VPS53: variants seen among roughly 807,000 people sequenced by gnomAD.
VPS53 encodes vacuolar protein sorting-associated protein 53 homolog.
VPS53 carries 70 observed loss-of-function variants against 107.0 expected under a neutral mutation model. The ratio of observed to expected loss-of-function variants is 0.65; its 90% CI spans 0.54 to 0.80. The LOEUF is 0.80. Ranked by LOEUF, VPS53 falls within the 30% of genes least tolerant of loss-of-function variation. The probability of loss-of-function intolerance (pLI) is 0.00; values close to 1 mark genes in which losing one functional copy is unlikely to be tolerated. For synonymous variants in VPS53, 409 were observed against 393.3 expected (o/e 1.04, Z -0.47); for missense variants, 917 against 1,049.4 (o/e 0.87, Z 1.74).
In VPS53 at chr17:520,507, G is replaced by T. The variant is rs1234356073; in HGVS notation, c.2224-577C>A. The stretch of plus-strand genomic sequence containing the variant: ...GGAGACTTAAAATCTGTAACTTCAT[G>T]TAACGACTAACTTAAACTATCAATT... On this transcript the variant is annotated intron_variant, in intron 20 of 21. Coordinates refer to ENST00000437048, the MANE Select transcript of VPS53 (RefSeq NM_001128159.3). The surrounding 1 kb of genome is among the most constrained non-coding windows in gnomAD (Gnocchi z 4.4). Among the ~76,000 whole-genome samples, 1 of 152,196 alleles carries T rather than the reference G, an allele frequency of 6.6e-6. No homozygotes were observed. The highest frequency in any genetic ancestry group is 2.4e-5 in the African/African-American group (1 of 41,452).
intron 11 of VPS53, among the ~76,000 whole-genome samples, chr17:611,608 C>A (rs1411500487): frequency 1.3e-5 from 2 of 152,252 alleles, no homozygotes; most frequent in Non-Finnish European, 2.9e-5. Flanking sequence ...ATAGGAAACA[C>A]GCTGACACGA....
intron 13 of VPS53, among the ~76,000 whole-genome samples, chr17:585,004 C>T (rs1967236440): frequency 6.6e-6 from 1 of 152,160 alleles, no homozygotes; most frequent in South Asian, 2.1e-4. Context: ...GCAAATGCCA[C>T]AGAAACAACG....
intron 3 of VPS53, 31 bp from the exon 4 acceptor site, chr17:697,515 C>T: frequency 6.4e-7 from 1 of 1,551,092 alleles, no homozygotes; most frequent in Non-Finnish European, 8.9e-7. Flanking sequence ...TACAGTCATT[C>T]AAATAATCTT....
At chr17:664,423 C>A (rs1234471491) in intron 4 of VPS53, among the ~76,000 whole-genome samples, 1 of 152,062 alleles carries the variant, frequency 6.6e-6, no homozygotes, top group Non-Finnish European at 1.5e-5. Context: ...ATGTGAAGAT[C>A]CTGACAGAGA....
chr17:653,071 G>A (rs1450396899), intron 7 of VPS53, among the ~76,000 whole-genome samples: 2 of 152,158 alleles, frequency 1.3e-5, no homozygotes, highest in South Asian at 2.1e-4. Context: ...CCGGATCTGC[G>A]GAATCCCCAT....
intron 17 of VPS53, among the ~76,000 whole-genome samples, chr17:545,974 CCAAA>C (rs1911152970): frequency 2.6e-5 from 4 of 152,208 alleles, no homozygotes; most frequent in Admixed American, 2.6e-4. Flanking sequence ...GCTATTATAG[CCAAA>C]CAGTGTGGTA....
intron 17 of VPS53, among the ~76,000 whole-genome samples, chr17:542,558 T>C (rs1396258583): frequency 6.6e-6 from 1 of 152,236 alleles, no homozygotes; most frequent in Non-Finnish European, 1.5e-5. Flanking sequence ...TTAGCTACTG[T>C]TATAATTTTA....
intron 4 of VPS53, among the ~76,000 whole-genome samples, chr17:677,334 A>G (rs980100297): frequency 2.6e-5 from 4 of 152,220 alleles, no homozygotes; most frequent in African/African-American, 9.6e-5. Context: ...CAGAAGTGAA[A>G]TACACCAGAT....
intron 4 of VPS53, among the ~76,000 whole-genome samples, chr17:693,679 A>C (rs542852041): frequency 3.0e-4 from 45 of 152,354 alleles, no homozygotes; most frequent in African/African-American, 1.0e-3. Flanking sequence ...GGTTACCGTG[A>C]AAAATGATTG....
Position 560,540 on chromosome 17 carries a change from G to A in VPS53, c.1590C>T (p.Ser530=). ...AGCCCTCCTTTTCCTTGAGGAGGCT[G>A]CTGATAGTCAGTCCTCCACTGCTGG... ...TTTSSGGLTI[S]SLLKEKEGSE... is the part of the protein sequence containing the mutation. Residue 530 remains serine (S), a synonymous_variant, in exon 15 of 22, where the codon AGC becomes AGT. Coordinates refer to ENST00000437048, the MANE Select transcript of VPS53 (RefSeq NM_001128159.3). The A allele has an allele frequency of 6.2e-7, 1 of 1,614,110 alleles. No individual in the cohort carries two copies. The highest frequency in any genetic ancestry group is 1.1e-5 in the South Asian group (1 of 91,066).
intron 4 of VPS53, among the ~76,000 whole-genome samples, chr17:671,260 AAAGGG>A (rs1971931827): frequency 6.6e-6 from 1 of 151,742 alleles, no homozygotes; most frequent in African/African-American, 2.4e-5. Context: ...AGGAAAAGGA[AAAGGG>A]AAGGGAAGGG....
intron 12 of VPS53, among the ~76,000 whole-genome samples, chr17:588,964 A>C (rs938496416): frequency 3.5e-5 from 4 of 113,464 alleles, no homozygotes; most frequent in Non-Finnish European, 7.2e-5. Flanking sequence ...GAAAAATGTG[A>C]TTTAATTTGT....
chr17:630,860 AAAC>A (rs768776545), intron 8 of VPS53, among the ~76,000 whole-genome samples: 3 of 152,100 alleles, frequency 2.0e-5, no homozygotes, highest in Admixed American at 6.6e-5. Flanking sequence ...GAAATAGCTC[AAAC>A]AATAGAGAAA....
At chr17:556,798 G>C (rs1912404730) in intron 15 of VPS53, among the ~76,000 whole-genome samples, 1 of 135,838 alleles carries the variant, frequency 7.4e-6, no homozygotes, top group Non-Finnish European at 1.6e-5. Context: ...AGATAATAAG[G>C]AAGTAAGCCA....
In VPS53 at chr17:710,422, C is replaced by T. The variant is rs551943945; in HGVS notation, c.168+111G>A. The T allele has an allele frequency of 1.1e-3, 861 of 785,036 alleles. 8 individuals carry two copies. In the South Asian group the frequency reaches 0.013, roughly 12 times the overall value. 48.6% of individuals were successfully genotyped at this position (785,036 alleles called of 1,614,324 possible). A position where few individuals can be genotyped will look rare whatever the true frequency, so the allele number is the denominator to read the frequency against. On this transcript the variant is annotated intron_variant, in intron 2 of 21. Transcript: ENST00000437048. Reference sequence around the variant, plus strand: ...ATGATGGAGTTTGATTTGAATTTAACTCTCCCTTGTGTATCAAGGGCCCGT... The same window carrying T: ...ATGATGGAGTTTGATTTGAATTTAATTCTCCCTTGTGTATCAAGGGCCCGT...
intron 13 of VPS53, among the ~76,000 whole-genome samples, chr17:569,626 A>C (rs1013678441): frequency 2.0e-5 from 3 of 152,176 alleles, no homozygotes; most frequent in South Asian, 4.1e-4. Flanking sequence ...TAGCTAGAAA[A>C]ATCACCATTT....
At chr17:681,872 G>A (rs969728956) in intron 4 of VPS53, among the ~76,000 whole-genome samples, 2 of 152,156 alleles carry the variant, frequency 1.3e-5, no homozygotes, top group African/African-American at 4.8e-5. Context: ...TGAGGACACT[G>A]ATCTCACAGA....
intron 17 of VPS53, among the ~76,000 whole-genome samples, chr17:546,348 C>CACAT (rs1911195359): frequency 3.3e-5 from 5 of 150,702 alleles, no homozygotes. Flanking sequence ...CACACACACA[C>CACAT]ACACACACAC....
At chr17:537,245 G>A (rs561471328) in intron 17 of VPS53, 69 bp from the exon 18 acceptor site, 3 of 1,554,716 alleles carry the variant, frequency 1.9e-6, no homozygotes, top group Middle Eastern at 2.1e-4. Flanking sequence ...ACTGGGGAAG[G>A]GAGGGGCTGG....
Sources: gnomAD v4.1 joint callset for allele counts (sites outside exome capture counted in the v4.1 genomes callset) on GRCh38, gnomAD v4.1.1 for gene constraint, Gnocchi (gnomAD v3.1) non-coding constraint, MANE v1.5 for transcripts, NCBI Gene and HGNC (gene_info 2026-07-23, HGNC 2026-07-21) for gene names.